KAZN: variants seen among roughly 807,000 people sequenced by gnomAD.
The protein encoded by KAZN is kazrin, periplakin interacting protein.
KAZN carries 40 observed loss-of-function variants against 87.4 expected under a neutral mutation model. The ratio of observed to expected loss-of-function variants is 0.46; its 90% CI spans 0.36 to 0.60. The LOEUF (loss-of-function observed/expected upper bound fraction) is 0.60, where lower values mean the gene tolerates loss of function less well. KAZN is among the 20% of genes least tolerant of loss of function. The pLI is 0.00. For synonymous variants in KAZN, 466 were observed against 458.3 expected, an observed-to-expected ratio of 1.02 and a Z score of -0.22; for missense variants, 898 against 1,073.9, an observed-to-expected ratio of 0.84 and a Z score of 2.29.
chr1:13,950,742 G>C (rs112296662), intron 1 of KAZN, among the ~76,000 whole-genome samples: 1 of 152,276 alleles, frequency 6.6e-6, no homozygotes, highest in African/African-American at 2.4e-5. Context: ...AACCTCATCA[G>C]CCACTCATTC....
chr1:14,420,721 G>A (rs941881742), intron 2 of KAZN, among the ~76,000 whole-genome samples: 4 of 152,112 alleles, frequency 2.6e-5, no homozygotes, highest in East Asian at 1.9e-4. Flanking sequence ...GGGACCTGGC[G>A]CACCCTTTGC....
chr1:14,676,425 G>T lies in KAZN; in HGVS notation c.226+77202G>T, dbSNP rs192782595. ...GCCTTACCTAGGGAGGCCACTTCAC[G>T]TCCCTGAGCCTCAGTTCCCGTCTCT... On this transcript the variant is annotated intron_variant, in intron 1 of 14. Transcript: ENST00000376030. Among the ~76,000 whole-genome samples, 241 of 151,182 alleles carry T rather than the reference G, an allele frequency of 1.6e-3. 1 individual carries two copies. The Middle Eastern group carries it at 0.031, about 19-fold the overall frequency.
intron 2 of KAZN, among the ~76,000 whole-genome samples, chr1:14,420,855 G>C (rs751121894): frequency 7.0e-6 from 1 of 142,966 alleles, no homozygotes; most frequent in Non-Finnish European, 1.6e-5. Flanking sequence ...GGAGCGCTGC[G>C]CACAGCCCCG....
At chr1:14,571,983 A>T (rs1571958815) in intron 2 of KAZN, among the ~76,000 whole-genome samples, 1 of 152,186 alleles carries the variant, frequency 6.6e-6, no homozygotes, top group Middle Eastern at 3.4e-3. Flanking sequence ...ATCTAATGTA[A>T]ACCTCTGGGG....
chr1:14,627,475 A>T (rs952501607), intron 1 of KAZN, among the ~76,000 whole-genome samples: 10 of 152,102 alleles, frequency 6.6e-5, no homozygotes, highest in Admixed American at 6.5e-4. Context: ...CACAGGCCTG[A>T]TACGATCTCA....
At chr1:14,935,708 A>C (rs1660373622) in intron 1 of KAZN, among the ~76,000 whole-genome samples, 1 of 150,756 alleles carries the variant, frequency 6.6e-6, no homozygotes, top group Non-Finnish European at 1.5e-5. Context: ...TTCTCCCTGT[A>C]CCCTGGCCTG....
chr1:14,742,533 C>T (rs113599905), intron 1 of KAZN, among the ~76,000 whole-genome samples: 4 of 152,154 alleles, frequency 2.6e-5, no homozygotes, highest in South Asian at 2.1e-4. Context: ...TCAGTTCATC[C>T]GCCAGCAATA....
Position 14,289,939 on chromosome 1 carries a change from T to A in KAZN, c.249+109347T>A, listed in dbSNP as rs558753040. ...TTTATTTCTCCTTCACTTATGAAGC[T>A]TAGTTTGGCTGGATATGAAATTCTG... On this transcript the variant is annotated intron_variant, in intron 2 of 16. Transcript: ENST00000636203. Among the ~76,000 whole-genome samples the A allele has an allele frequency of 4.6e-5, 7 of 152,332 alleles. No individual in the cohort carries two copies. In the East Asian group the frequency reaches 1.2e-3, roughly 25 times the overall value.
chr1:14,014,106 C>T (rs764963713), intron 1 of KAZN, among the ~76,000 whole-genome samples: 4 of 152,094 alleles, frequency 2.6e-5, no homozygotes, highest in Non-Finnish European at 5.9e-5. Context: ...CATGAGGACT[C>T]TATATGCCAC....
At chr1:13,976,471 T>C (rs770063226) in intron 1 of KAZN, among the ~76,000 whole-genome samples, 2 of 151,846 alleles carry the variant, frequency 1.3e-5, no homozygotes, top group African/African-American at 2.4e-5. Flanking sequence ...CCCGCAGAAA[T>C]TGCAGTAAGA....
At chr1:14,047,291 C>T (rs911291342) in intron 1 of KAZN, among the ~76,000 whole-genome samples, 1 of 152,208 alleles carries the variant, frequency 6.6e-6, no homozygotes, top group African/African-American at 2.4e-5. Flanking sequence ...ATGAGCACAT[C>T]TCTTTGACAA....
chr1:14,431,727 G>A (rs1040994670), intron 2 of KAZN, among the ~76,000 whole-genome samples: 3 of 152,134 alleles, frequency 2.0e-5, no homozygotes, highest in African/African-American at 4.8e-5. Flanking sequence ...TGCTGCCCTT[G>A]GACATTAGAC....
At chr1:14,800,767 G>T (rs970525421) in intron 1 of KAZN, among the ~76,000 whole-genome samples, 2 of 152,182 alleles carry the variant, frequency 1.3e-5, no homozygotes, top group African/African-American at 4.8e-5. Flanking sequence ...GCTATGTGAA[G>T]CCAGTCACAA....
At chr1:14,202,462 G>A (rs992909952) in intron 2 of KAZN, among the ~76,000 whole-genome samples, 5 of 152,200 alleles carry the variant, frequency 3.3e-5, no homozygotes, top group Non-Finnish European at 5.9e-5. Context: ...TCCTGTATTG[G>A]AGGAGGGCTC....
chr1:15,059,264 C>G (rs1557766723), intron 5 of KAZN, among the ~76,000 whole-genome samples: 2 of 152,140 alleles, frequency 1.3e-5, no homozygotes, highest in African/African-American at 2.4e-5. Context: ...TAAGAACCAA[C>G]AAGACAGGGT....
At chr1:14,564,189 A>C (rs749503429) in intron 2 of KAZN, among the ~76,000 whole-genome samples, 10 of 151,964 alleles carry the variant, frequency 6.6e-5, no homozygotes, top group Non-Finnish European at 1.2e-4. Flanking sequence ...GATGTTCTGA[A>C]CTTAGTATTT....
intron 2 of KAZN, among the ~76,000 whole-genome samples, chr1:14,466,802 A>T (rs754431707): frequency 2.0e-5 from 3 of 151,236 alleles, no homozygotes; most frequent in Admixed American, 1.3e-4. Context: ...CCCTGTCTCT[A>T]CTAAAAATAC....
chr1:14,812,869 G>A (rs569884369), intron 1 of KAZN, among the ~76,000 whole-genome samples: 31 of 152,270 alleles, frequency 2.0e-4, no homozygotes, highest in African/African-American at 7.0e-4. Context: ...CTGACCAAGC[G>A]TGGCTGGCAG....
At chr1:14,473,853 G>T (rs776037588) in intron 2 of KAZN, among the ~76,000 whole-genome samples, 10 of 152,036 alleles carry the variant, frequency 6.6e-5, no homozygotes, top group Non-Finnish European at 1.5e-4. Context: ...GAACCCTCTG[G>T]TTATCTGGGA....
Sources: gnomAD v4.1 joint callset for allele counts (sites outside exome capture counted in the v4.1 genomes callset) on GRCh38, gnomAD v4.1.1 for gene constraint, MANE v1.5 for transcripts, NCBI Gene and HGNC (gene_info 2026-07-23, HGNC 2026-07-21) for gene names.